PDE6D: variants seen among roughly 807,000 people sequenced by gnomAD.
The protein encoded by PDE6D is retinal rod rhodopsin-sensitive cGMP 3',5'-cyclic phosphodiesterase subunit delta.
A neutral mutation model predicts 21.9 loss-of-function variants in PDE6D; 10 were observed. The ratio of observed to expected loss-of-function variants is 0.46; its 90% CI spans 0.28 to 0.78. The LOEUF is 0.78. PDE6D is among the 30% of genes least tolerant of loss of function. The pLI, the probability that PDE6D is intolerant of heterozygous loss-of-function variation, is 0.12. For missense variants in PDE6D, 139 were observed against 184.8 expected (o/e 0.75, Z 1.44); for synonymous variants, 59 against 63.5 (o/e 0.93, Z 0.34).
intron 1 of PDE6D, among the ~76,000 whole-genome samples, chr2:231,754,605 C>T (rs1296532513): frequency 2.0e-5 from 3 of 150,358 alleles, no homozygotes; most frequent in African/African-American, 7.3e-5. Flanking sequence ...CTCCTGACCT[C>T]AAATGATCCA....
intron 1 of PDE6D, among the ~76,000 whole-genome samples, chr2:231,755,373 C>T (rs959868262): frequency 3.3e-5 from 5 of 152,176 alleles, no homozygotes; most frequent in Non-Finnish European, 7.3e-5. Flanking sequence ...TCTATAAGCA[C>T]CAAAGTGCTC....
intron 1 of PDE6D, among the ~76,000 whole-genome samples, chr2:231,752,968 A>G (rs2048853706): frequency 6.7e-6 from 1 of 150,050 alleles, no homozygotes; most frequent in Non-Finnish European, 1.5e-5. Context: ...AGTAGCTGGG[A>G]CTACAGGCGC....
At chr2:231,779,007 T>C (rs1327486633) in intron 1 of PDE6D, 2 of 152,196 alleles carry the variant, frequency 1.3e-5, no homozygotes, top group African/African-American at 2.4e-5. Context: ...AGGTGGACAA[T>C]AGTCAGTTTC....
rs1273145067 is a variant in PDE6D at position 231,732,868 on chromosome 2, A to G, written c.*84T>C. 1 of 910,574 alleles carries G rather than the reference A, an allele frequency of 1.1e-6. No homozygotes were observed. Among genetic ancestry groups the G allele is most frequent in the African/African-American group, 1.6e-5 (1 of 60,662 alleles). 56.4% of individuals were successfully genotyped at this position (910,574 alleles called of 1,614,324 possible). On this transcript the variant is annotated 3_prime_UTR_variant, in exon 5 of 5. Coordinates refer to ENST00000287600, the MANE Select transcript of PDE6D (RefSeq NM_002601.4). ...GGAATTAGGGGTGTATGTGTCAAAA[A>G]TCAAACGTGTGGAGGAAAAAAGTAA...
intron 1 of PDE6D, among the ~76,000 whole-genome samples, chr2:231,753,748 C>T (rs539373225): frequency 1.3e-5 from 2 of 152,272 alleles, no homozygotes; most frequent in East Asian, 3.9e-4. Flanking sequence ...GACCAGAGTG[C>T]CAGTCCTAAA....
chr2:231,749,809 C>T (rs1658133904), intron 1 of PDE6D, among the ~76,000 whole-genome samples: 1 of 152,118 alleles, frequency 6.6e-6, no homozygotes, highest in Non-Finnish European at 1.5e-5. Flanking sequence ...GCTGGGATTA[C>T]AGGCGTGAGC....
intron 1 of PDE6D, among the ~76,000 whole-genome samples, chr2:231,749,915 C>T (rs2048824511): frequency 6.6e-6 from 1 of 152,014 alleles, no homozygotes; most frequent in Admixed American, 6.6e-5. Flanking sequence ...AAAGGCATGA[C>T]TGGTTTTGAA....
At chr2:231,741,998 T>A (rs2048753234) in intron 1 of PDE6D, among the ~76,000 whole-genome samples, 1 of 152,202 alleles carries the variant, frequency 6.6e-6, no homozygotes, top group African/African-American at 2.4e-5. Flanking sequence ...CACATTTTGC[T>A]TTTTAGAAAT....
At chr2:231,754,523 A>ATTT (rs34036079) in intron 1 of PDE6D, among the ~76,000 whole-genome samples, 49 of 128,976 alleles carry the variant, frequency 3.8e-4, no homozygotes, top group African/African-American at 1.4e-3. Flanking sequence ...TGCCTGGCTA[A>ATTT]TTTTTTTTTT....
intron 1 of PDE6D, among the ~76,000 whole-genome samples, chr2:231,775,534 G>C (rs981900182): frequency 1.3e-4 from 19 of 149,126 alleles, no homozygotes; most frequent in African/African-American, 4.5e-4. Context: ...TGTTGCCTAG[G>C]CTGGTCTCAA....
At chr2:231,736,894 T>G (rs1194184280) in intron 4 of PDE6D, among the ~76,000 whole-genome samples, 1 of 152,242 alleles carries the variant, frequency 6.6e-6, no homozygotes, top group African/African-American at 2.4e-5. Context: ...CTCAGAGAGA[T>G]AAAGTATATT....
intron 1 of PDE6D, among the ~76,000 whole-genome samples, chr2:231,774,892 CTTTT>C (rs554042419): frequency 2.2e-5 from 3 of 138,864 alleles, no homozygotes; most frequent in African/African-American, 5.3e-5. Flanking sequence ...TGCCTGGCAT[CTTTT>C]TTTTTTTTAA....
chr2:231,747,948 C>A (rs1268176130), intron 1 of PDE6D, among the ~76,000 whole-genome samples: 2 of 152,204 alleles, frequency 1.3e-5, no homozygotes, highest in East Asian at 3.8e-4. Flanking sequence ...CTTTCACCTC[C>A]CGCCATGATT....
intron 1 of PDE6D, among the ~76,000 whole-genome samples, chr2:231,744,434 CTTTT>C (rs71396691): frequency 7.3e-6 from 1 of 136,186 alleles, no homozygotes. Flanking sequence ...AATTGCTTTT[CTTTT>C]TTTTTTTTTT....
chr2:231,742,034 G>A (rs1303773234), intron 1 of PDE6D, among the ~76,000 whole-genome samples: 1 of 152,030 alleles, frequency 6.6e-6, no homozygotes, highest in Non-Finnish European at 1.5e-5. Context: ...AAATAAATAA[G>A]CTAAAAAGGA....
chr2:231,765,867 CCTT>C (rs1313377604), intron 1 of PDE6D, among the ~76,000 whole-genome samples: 2 of 152,152 alleles, frequency 1.3e-5, no homozygotes, highest in African/African-American at 2.4e-5. Context: ...ACTCTCTCCT[CCTT>C]GTTTCCTTTC....
chr2:231,734,858 C>CA (rs113833054), intron 4 of PDE6D, among the ~76,000 whole-genome samples: 5,077 of 106,966 alleles, frequency 0.047, 289 homozygotes, highest in African/African-American at 0.14. Context: ...AAAAAAAAAA[C>CA]AAAAAAAAAA....
At chr2:231,759,491 G>C (rs1308494314) in intron 1 of PDE6D, among the ~76,000 whole-genome samples, 1 of 152,046 alleles carries the variant, frequency 6.6e-6, no homozygotes, top group Admixed American at 6.6e-5. Context: ...GGGGAGAAGA[G>C]GAGCAGGCAG....
At position 231,765,080 on chromosome 2, in the gene PDE6D, G is replaced by A. The variant is rs545962523; in HGVS notation, c.50+15985C>T. Among the ~76,000 whole-genome samples, 3 of 150,456 alleles carry A rather than the reference G, an allele frequency of 2.0e-5. No individual in the cohort carries two copies. In the South Asian group the frequency reaches 6.3e-4, roughly 32 times the overall value. ...ATCCAAGACCAGCCTGGGCAACACA[G>A]TGAGATTCCATCTCCACGGAAGGGA... On this transcript the variant is annotated intron_variant, in intron 1 of 4. Coordinates refer to ENST00000287600, the MANE Select transcript of PDE6D (RefSeq NM_002601.4).
Sources: gnomAD v4.1 joint callset for allele counts (sites outside exome capture counted in the v4.1 genomes callset) on GRCh38, gnomAD v4.1.1 for gene constraint, MANE v1.5 for transcripts, NCBI Gene and HGNC (gene_info 2026-07-23, HGNC 2026-07-21) for gene names.